Variants in NRROS observed in about 807,000 individuals in gnomAD.
The protein encoded by NRROS is negative regulator of reactive oxygen species.
In NRROS, 6 loss-of-function variants were observed where a neutral mutation model predicts 12.0. The ratio of observed to expected loss-of-function variants is 0.50; its 90% CI spans 0.27 to 0.98. NRROS has a LOEUF of 0.98. Ranked by LOEUF, NRROS falls within the 50% of genes least tolerant of loss-of-function variation. The pLI, the probability that NRROS is intolerant of heterozygous loss-of-function variation, is 0.11. For missense variants in NRROS, 857 were observed against 888.2 expected (o/e 0.96, Z 0.45); for synonymous variants, 462 against 410.2 (o/e 1.13, Z -1.53).
chr3:196,648,801 C>T (rs972157934), intron 1 of NRROS, among the ~76,000 whole-genome samples: 3 of 146,160 alleles, frequency 2.1e-5, no homozygotes, highest in African/African-American at 7.7e-5. Flanking sequence ...TTCCAACATC[C>T]ACTCAAGGTT....
At chr3:196,648,627 ATGCTGGTGCATGCC>A (rs1737354203) in intron 1 of NRROS, among the ~76,000 whole-genome samples, 1 of 152,038 alleles carries the variant, frequency 6.6e-6, no homozygotes, top group South Asian at 2.1e-4. Context: ...TTAGCCAGGC[ATGCTGGTGCATGCC>A]TGTAATCCCA....
chr3:196,658,360 C>G (rs1194611315), intron 2 of NRROS, among the ~76,000 whole-genome samples: 1 of 152,130 alleles, frequency 6.6e-6, no homozygotes, highest in Non-Finnish European at 1.5e-5. Flanking sequence ...GCGGAGGTGA[C>G]AGAAGAGTTG....
chr3:196,660,055 G>A lies in NRROS; in HGVS notation c.412G>A (p.Asp138Asn). ...LHALPGLRRL[D>N]LSGNALTEDM... ...CGCCCTGCCGGGCCTGCGGAGGCTG[G>A]ACTTGTCAGGAAACGCCCTGACGGA... is the stretch of plus-strand genomic sequence containing the variant. The change falls in exon 3 of 3, where the codon GAC (aspartate) becomes AAC (asparagine). Residue 138 changes from aspartate (D) to asparagine (N), a missense_variant. Coordinates refer to ENST00000328557, the MANE Select transcript of NRROS (RefSeq NM_198565.3). This position sits in a 1 kb window ranked among gnomAD's most constrained non-coding sequence, Gnocchi z 7.7. The A allele has an allele frequency of 6.2e-7, 1 of 1,613,336 alleles. No individual in the cohort carries two copies.
rs548045605 is a variant in NRROS, at chr3:196,659,566, C to T, written c.109-186C>T. Reference sequence around the variant, plus strand: ...TCAAGTGATCCACCTGCCTCGGCCTCCCAAAGTGCTGGGATTACAGGCATG... The same window carrying T: ...TCAAGTGATCCACCTGCCTCGGCCTTCCAAAGTGCTGGGATTACAGGCATG... On this transcript the variant is annotated intron_variant, in intron 2 of 2. Transcript: ENST00000328557. 3.9e-5 allele frequency among the ~76,000 whole-genome samples: 6 copies of T among 152,252 alleles called. No individual in the cohort carries two copies. The South Asian group carries it at 1.0e-3, about 26-fold the overall frequency.
rs1737638640 is a variant in NRROS at position 196,660,269 on chromosome 3, A to G, written c.626A>G (p.His209Arg). The change falls in exon 3 of 3, where the codon CAC becomes CGC. Residue 209 changes from histidine (H) to arginine (R), a missense_variant. By Grantham distance (29) the His-to-Arg change is conservative (BLOSUM62 0). Transcript: ENST00000328557. This position sits in a 1 kb window ranked among gnomAD's most constrained non-coding sequence, Gnocchi z 7.7. ...TTCGACGGCCTGGCTGAGCTGAGGC[A>G]CCTCAACCTGGCCTTCAACAACCTC... is the stretch of plus-strand genomic sequence containing the variant. ...GAFDGLAELR[H>R]LNLAFNNLPC... 6.2e-7 allele frequency: 1 copy of G among 1,613,712 alleles called. No individual in the cohort carries two copies. Among genetic ancestry groups the G allele is most frequent in the Non-Finnish European group, 8.5e-7 (1 of 1,180,022 alleles).
rs1737633562 is a variant in NRROS, at chr3:196,660,146, C to G, written c.503C>G (p.Thr168Ser). The G allele has an allele frequency of 6.2e-7, 1 of 1,613,004 alleles. No individual in the cohort carries two copies. Among genetic ancestry groups the G allele is most frequent in the African/African-American group, 1.3e-5 (1 of 74,958 alleles). The change falls in exon 3 of 3, where the codon ACC (threonine) becomes AGC (serine). Residue 168 changes from threonine to serine, a missense_variant. Thr to Ser is a moderately conservative substitution (Grantham distance 58). Transcript: ENST00000328557. The surrounding 1 kb of genome is among the most constrained non-coding windows in gnomAD (Gnocchi z 7.7). Reference protein sequence around the residue: ...SLRSVSLAGNTIMRLDDSVFE... With the variant: ...SLRSVSLAGNSIMRLDDSVFE... ...CGGTCCGTGTCCCTGGCGGGGAACA[C>G]CATCATGCGGCTGGACGACTCCGTC...
chr3:196,647,180 C>T (rs1200237789), intron 1 of NRROS, among the ~76,000 whole-genome samples: 2 of 152,020 alleles, frequency 1.3e-5, no homozygotes, highest in Non-Finnish European at 2.9e-5. Context: ...TTTTTATGTA[C>T]ATTGTATTTC....
chr3:196,650,893 A>G (rs911809749), intron 1 of NRROS, among the ~76,000 whole-genome samples: 1 of 152,222 alleles, frequency 6.6e-6, no homozygotes, highest in Non-Finnish European at 1.5e-5. Context: ...CAGGAGCAAC[A>G]GGCAGCTCAG....
In NRROS at chr3:196,651,146, C is replaced by T. The variant is rs73892916; in HGVS notation, c.-13-3381C>T. On this transcript the variant is annotated intron_variant, in intron 1 of 2. Coordinates refer to ENST00000328557, the MANE Select transcript of NRROS (RefSeq NM_198565.3). ...GTTTATCTTGGACTCTTTGCAGTGC[C>T]ATGGCTCTGAGGAAGCTCTCTGCAG... Among the ~76,000 whole-genome samples the T allele has an allele frequency of 9.7e-3, 1,474 of 152,274 alleles. 20 individuals are homozygous for T. Among genetic ancestry groups the T allele is most frequent in the African/African-American group, 0.033 (1,365 of 41,530 alleles).
chr3:196,661,710 C>T lies in NRROS; in HGVS notation c.2067C>T (p.Ser689=), dbSNP rs934869921. 8 of 1,589,608 alleles carry T rather than the reference C, an allele frequency of 5.0e-6. No individual in the cohort carries two copies. Among genetic ancestry groups the T allele is most frequent in the Non-Finnish European group, 6.8e-6 (8 of 1,171,970 alleles). Residue 689 remains serine (S), a synonymous_variant, in exon 3 of 3, where the codon TCC becomes TCT. Coordinates refer to ENST00000328557, the MANE Select transcript of NRROS (RefSeq NM_198565.3). ...TCATCAAGAGCCGCTGCCACTGGTCCTCCGTTTACTGACCTGGCTGTGTGC... is the reference window on the plus strand; with the variant it reads ...TCATCAAGAGCCGCTGCCACTGGTCTTCCGTTTACTGACCTGGCTGTGTGC... ...LQVIKSRCHW[S]SVY
At position 196,659,976 on chromosome 3, in the gene NRROS, C is replaced by T; in HGVS notation, c.333C>T (p.Val111=). The change falls in exon 3 of 3, where the codon GTC becomes GTT. Residue 111 remains valine (V), a synonymous_variant. Transcript: ENST00000328557. ...AGCAAGGTCACCTGCGCAGCCTGGTCCTGGGGGACAACTGCCTCTCAGAGA... is the reference window on the plus strand; with the variant it reads ...AGCAAGGTCACCTGCGCAGCCTGGTTCTGGGGGACAACTGCCTCTCAGAGA... The part of the protein sequence containing the change: ...FQEQGHLRSL[V]LGDNCLSENY... 1 of 1,613,812 alleles carries T rather than the reference C, an allele frequency of 6.2e-7. No homozygotes were observed. Among genetic ancestry groups the T allele is most frequent in the Non-Finnish European group, 8.5e-7 (1 of 1,179,876 alleles).
intron 2 of NRROS, among the ~76,000 whole-genome samples, chr3:196,658,966 T>C (rs1737600137): frequency 1.3e-5 from 2 of 152,086 alleles, no homozygotes; most frequent in Non-Finnish European, 2.9e-5. Context: ...TAAGACTTCA[T>C]CTCAAAAAAA....
At chr3:196,655,859 A>C (rs1273324879) in intron 2 of NRROS, among the ~76,000 whole-genome samples, 2 of 152,208 alleles carry the variant, frequency 1.3e-5, no homozygotes, top group East Asian at 3.9e-4. Context: ...TATAACAATG[A>C]TATCAAAAGT....
intron 1 of NRROS, among the ~76,000 whole-genome samples, chr3:196,651,939 C>T (rs1465830728): frequency 6.6e-6 from 1 of 152,112 alleles, no homozygotes; most frequent in Non-Finnish European, 1.5e-5. Flanking sequence ...GAGTGTCTTC[C>T]ATTGACTAAA....
At chr3:196,641,901 C>T (rs998593960) in intron 1 of NRROS, among the ~76,000 whole-genome samples, 4 of 152,192 alleles carry the variant, frequency 2.6e-5, no homozygotes, top group Admixed American at 1.3e-4. Context: ...CACTGTCTTT[C>T]TTAGGACATG....
At chr3:196,648,942 C>T (rs144936493) in intron 1 of NRROS, among the ~76,000 whole-genome samples, 6 of 152,178 alleles carry the variant, frequency 3.9e-5, no homozygotes, top group East Asian at 3.9e-4. Context: ...CCTTGCAGGA[C>T]GTCTTACAGC....
chr3:196,658,104 C>T (rs1000832564), intron 2 of NRROS, among the ~76,000 whole-genome samples: 4 of 152,210 alleles, frequency 2.6e-5, no homozygotes, highest in Admixed American at 2.6e-4. Flanking sequence ...GGAACTCTTG[C>T]TCTCAGCCAC....
chr3:196,641,916 G>A (rs1216754341), intron 1 of NRROS, among the ~76,000 whole-genome samples: 1 of 152,194 alleles, frequency 6.6e-6, no homozygotes, highest in Non-Finnish European at 1.5e-5. Context: ...GACATGCTGT[G>A]TGTATGACAC....
At position 196,657,287 on chromosome 3, in the gene NRROS, G is replaced by A. The variant is rs371039960; in HGVS notation, c.109-2465G>A. ...GGTCCTTCTACATCACTTCAGCGGGGCCACAGGGAATTGCAGAGGTGTGAC... is the reference window on the plus strand; with the variant it reads ...GGTCCTTCTACATCACTTCAGCGGGACCACAGGGAATTGCAGAGGTGTGAC... On this transcript the variant is annotated intron_variant, in intron 2 of 2. Coordinates refer to ENST00000328557, the MANE Select transcript of NRROS (RefSeq NM_198565.3). 5.8e-4 allele frequency among the ~76,000 whole-genome samples: 89 copies of A among 152,156 alleles called. No homozygotes were observed. The South Asian group carries it at 0.012, about 21-fold the overall frequency.
Sources: allele counts gnomAD v4.1 joint callset (sites outside exome capture counted in the v4.1 genomes callset), GRCh38; gene constraint gnomAD v4.1.1; non-coding constraint Gnocchi (gnomAD v3.1); transcripts MANE v1.5; gene names NCBI Gene and HGNC (gene_info 2026-07-23, HGNC 2026-07-21).